SLC38A12: variants seen among roughly 807,000 people sequenced by gnomAD.
SLC38A12 encodes putative sodium-coupled neutral amino acid transporter 12.
At chr17:74,807,112 C>T in the SLC38A12 span, among the ~76,000 whole-genome samples, 1 of 150,520 alleles carries the variant, frequency 6.6e-6, no homozygotes, top group Non-Finnish European at 1.5e-5. Flanking sequence ...GACACCCCCC[C>T]ACCCCACCCC....
At chr17:74,795,011 G>A in the SLC38A12 span, 1 of 1,613,462 alleles carries the variant, frequency 6.2e-7, no homozygotes, top group African/African-American at 1.3e-5. Flanking sequence ...GTTCCTTTCA[G>A]TGGGGGTCAA....
the SLC38A12 span, among the ~76,000 whole-genome samples, chr17:74,803,367 C>T: frequency 6.6e-6 from 1 of 151,918 alleles, no homozygotes; most frequent in Non-Finnish European, 1.5e-5. Context: ...ACCAGCGATT[C>T]CCCTTCCCCT....
At chr17:74,810,432 A>G in the SLC38A12 span, among the ~76,000 whole-genome samples, 3 of 152,352 alleles carry the variant, frequency 2.0e-5, no homozygotes, top group Admixed American at 6.5e-5. Flanking sequence ...TAACTTGTTC[A>G]AAAAGTGCGT....
chr17:74,836,622 C>T, the SLC38A12 span: 3 of 1,612,892 alleles, frequency 1.9e-6, no homozygotes, highest in Non-Finnish European at 2.5e-6. The surrounding 1 kb of genome is among the most constrained non-coding windows in gnomAD (Gnocchi z 4.2). Flanking sequence ...CTTCGTGCTG[C>T]TCTGGGCTTT....
chr17:74,826,449 G>A, the SLC38A12 span, among the ~76,000 whole-genome samples: 1 of 152,244 alleles, frequency 6.6e-6, no homozygotes, highest in Admixed American at 6.5e-5. Context: ...AACGAAGCTA[G>A]AATCCTCCAG....
chr17:74,821,488 A>T, the SLC38A12 span, among the ~76,000 whole-genome samples: 1 of 152,130 alleles, frequency 6.6e-6, no homozygotes, highest in Non-Finnish European at 1.5e-5. Context: ...GAACCTGGGG[A>T]TCCCACCAGC....
the SLC38A12 span, among the ~76,000 whole-genome samples, chr17:74,830,140 A>G: frequency 6.6e-6 from 1 of 152,072 alleles, no homozygotes; most frequent in African/African-American, 2.4e-5. Context: ...CCAACTCCAG[A>G]CACCTACTCA....
At chr17:74,796,805 C>T in the SLC38A12 span, among the ~76,000 whole-genome samples, 580 of 152,324 alleles carry the variant, frequency 3.8e-3, no homozygotes, top group Admixed American at 5.0e-3. Flanking sequence ...AGCCTTGGGG[C>T]GGGAAAAGGT....
chr17:74,824,702 G>A, the SLC38A12 span, among the ~76,000 whole-genome samples: 1 of 152,190 alleles, frequency 6.6e-6, no homozygotes, highest in African/African-American at 2.4e-5. Flanking sequence ...TGTATGCGGA[G>A]CAGACGCTGC....
the SLC38A12 span, among the ~76,000 whole-genome samples, chr17:74,822,872 G>C: frequency 2.6e-5 from 4 of 152,226 alleles, no homozygotes; most frequent in Non-Finnish European, 5.9e-5. Flanking sequence ...GGACGAAGGG[G>C]ATGGAGGTCC....
chr17:74,795,596 G>T, the SLC38A12 span: 1 of 1,614,016 alleles, frequency 6.2e-7, no homozygotes, highest in Admixed American at 1.7e-5. Flanking sequence ...GGTGCTGGGG[G>T]CCCCTGCGCC....
the SLC38A12 span, among the ~76,000 whole-genome samples, chr17:74,785,849 T>C: frequency 7.9e-5 from 12 of 152,164 alleles, no homozygotes; most frequent in Admixed American, 7.9e-4. Flanking sequence ...CCACTAGGCT[T>C]TGGAATGTTT....
At chr17:74,800,157 C>G in the SLC38A12 span, among the ~76,000 whole-genome samples, 1 of 152,234 alleles carries the variant, frequency 6.6e-6, no homozygotes, top group Non-Finnish European at 1.5e-5. Context: ...GCCCAAGACT[C>G]AGTTCCATAG....
chr17:74,824,472 C>G, the SLC38A12 span, among the ~76,000 whole-genome samples: 1 of 152,218 alleles, frequency 6.6e-6, no homozygotes, highest in Non-Finnish European at 1.5e-5. Flanking sequence ...GCAGGGAGCT[C>G]TCGGGCTGAA....
the SLC38A12 span, among the ~76,000 whole-genome samples, chr17:74,787,314 G>T: frequency 7.1e-6 from 1 of 140,840 alleles, no homozygotes; most frequent in Non-Finnish European, 1.6e-5. Context: ...TGGCAGAGTT[G>T]TCCTGGCCTC....
At chr17:74,806,445 G>A in the SLC38A12 span, among the ~76,000 whole-genome samples, 1 of 152,172 alleles carries the variant, frequency 6.6e-6, no homozygotes, top group African/African-American at 2.4e-5. Context: ...TAAAAGAGCT[G>A]TTTTTGTAGA....
chr17:74,796,119 G>T, the SLC38A12 span, among the ~76,000 whole-genome samples: 1 of 152,162 alleles, frequency 6.6e-6, no homozygotes, highest in Non-Finnish European at 1.5e-5. Context: ...CCTCCCAGTG[G>T]ACAAGAGAAG....
chr17:74,795,595 G>A, the SLC38A12 span: 3 of 1,613,944 alleles, frequency 1.9e-6, no homozygotes, highest in Non-Finnish European at 2.5e-6. Flanking sequence ...CGGTGCTGGG[G>A]GCCCCTGCGC....
chr17:74,817,134 TCTAA>T, the SLC38A12 span, among the ~76,000 whole-genome samples: 2 of 151,820 alleles, frequency 1.3e-5, no homozygotes, highest in Admixed American at 1.3e-4. Flanking sequence ...GAGTTCTGGC[TCTAA>T]CTAATTTGCA....
Sources: allele counts gnomAD v4.1 joint callset (sites outside exome capture counted in the v4.1 genomes callset), GRCh38; gene constraint gnomAD v4.1.1; non-coding constraint Gnocchi (gnomAD v3.1); transcripts MANE v1.5; gene names NCBI Gene and HGNC (gene_info 2026-07-23, HGNC 2026-07-21).